Variants in A2ML1 observed in about 807,000 individuals in gnomAD.
The protein encoded by A2ML1 is alpha-2-macroglobulin-like protein 1.
A2ML1 carries 161 observed loss-of-function variants against 181.9 expected under a neutral mutation model. That is an observed-to-expected ratio of 0.89 (90% CI 0.78 to 1.01). The LOEUF (loss-of-function observed/expected upper bound fraction) is 1.01. Ranked by LOEUF, A2ML1 falls within the 50% of genes least tolerant of loss-of-function variation. The pLI is 0.00. For missense variants in A2ML1, 1,670 were observed against 1,768.1 expected (o/e 0.94, Z 1.00); for synonymous variants, 663 against 666.8 (o/e 0.99, Z 0.09).
chr12:8,855,616 T>C (rs1383961342), intron 23 of A2ML1, 24 bp downstream of exon 23: 1 of 1,612,972 alleles, frequency 6.2e-7, no homozygotes, highest in Admixed American at 1.7e-5. Flanking sequence ...GATTCTTGAC[T>C]CAGAAAGGAA....
chr12:8,861,176 G>T lies in A2ML1; in HGVS notation c.3381G>T (p.Ser1127=). 6.2e-7 allele frequency: 1 copy of T among 1,613,774 alleles called. No individual in the cohort carries two copies. The highest frequency in any genetic ancestry group is 8.5e-7 in the Non-Finnish European group (1 of 1,179,968). ...VSQGLRCLKN[S]ATSTTNLYTQ... Reference sequence around the variant, plus strand: ...AGGGTCTACGGTGTCTCAAGAATTCGGCCACCTCCACGACCAACCTCTACA... The same window carrying T: ...AGGGTCTACGGTGTCTCAAGAATTCTGCCACCTCCACGACCAACCTCTACA... The change falls in exon 28 of 36, where the codon TCG becomes TCT. Residue 1127 remains serine (S), a synonymous_variant. Coordinates refer to ENST00000299698, the MANE Select transcript of A2ML1 (RefSeq NM_144670.6).
intron 7 of A2ML1, among the ~76,000 whole-genome samples, chr12:8,885,825 C>T (rs1214156272): frequency 6.6e-6 from 1 of 152,142 alleles, no homozygotes; most frequent in East Asian, 1.9e-4. Flanking sequence ...TGAGCTAGGT[C>T]AAGAGACTTT....
At chr12:8,861,024 C>T in intron 27 of A2ML1, 69 bp downstream of exon 27, 1 of 1,605,392 alleles carries the variant, frequency 6.2e-7, no homozygotes, top group Non-Finnish European at 8.5e-7. Context: ...ATTCACCCAT[C>T]TTTGTCTCTA....
At chr12:8,874,204 T>A (rs1944722784) in intron 33 of A2ML1, among the ~76,000 whole-genome samples, 1 of 151,880 alleles carries the variant, frequency 6.6e-6, no homozygotes, top group Admixed American at 6.6e-5. Context: ...TTAGTAGAGA[T>A]GGGGTTTCAC....
intron 3 of A2ML1, among the ~76,000 whole-genome samples, chr12:8,828,581 T>A (rs910731057): frequency 1.3e-5 from 2 of 152,130 alleles, no homozygotes; most frequent in African/African-American, 4.8e-5. Flanking sequence ...AAGGGCCTGC[T>A]TGGTGCTGTA....
chr12:8,848,128 CAAAAACAAAAAAAA>C (rs771976252), intron 15 of A2ML1, among the ~76,000 whole-genome samples: 83 of 91,500 alleles, frequency 9.1e-4, no homozygotes, highest in Non-Finnish European at 1.1e-3. Flanking sequence ...AACTCTGTCT[CAAAAACAAAAAAAA>C]AAAAACAAAA....
In A2ML1 at chr12:8,857,937, C is replaced by A; in HGVS notation, c.3108-9C>A. ...TCTTCATGCCATATTTTCCTCTTTA[C>A]CCATGTAGGCTGACAGCGTTTGTCA... On this transcript the variant is annotated splice_polypyrimidine_tract_variant and intron_variant, in intron 25 of 35. Transcript: ENST00000299698. 6.2e-7 allele frequency: 1 copy of A among 1,612,970 alleles called. No individual in the cohort carries two copies. Among genetic ancestry groups the A allele is most frequent in the Non-Finnish European group, 8.5e-7 (1 of 1,179,506 alleles).
intron 7 of A2ML1, 65 bp downstream of exon 7, chr12:8,836,404 G>C: frequency 1.5e-6 from 2 of 1,369,236 alleles, no homozygotes; most frequent in Non-Finnish European, 2.1e-6. Context: ...ATGAGGGGAT[G>C]ACATGGGATG....
At chr12:8,855,744 A>G in intron 23 of A2ML1, 152 bp downstream of exon 23, 1 of 684,296 alleles carries the variant, frequency 1.5e-6, no homozygotes, top group Non-Finnish European at 2.5e-6. Context: ...GGAGGGAAAT[A>G]CAGTGTAGGC....
At chr12:8,839,668 T>A (rs1298373584) in intron 10 of A2ML1, among the ~76,000 whole-genome samples, 3 of 152,232 alleles carry the variant, frequency 2.0e-5, no homozygotes, top group African/African-American at 7.2e-5. Context: ...GTCTCCTGCA[T>A]CTAGGCAAGG....
chr12:8,841,745 A>G (rs1184619801), intron 11 of A2ML1, among the ~76,000 whole-genome samples: 2 of 152,190 alleles, frequency 1.3e-5, no homozygotes, highest in Admixed American at 6.5e-5. Context: ...GATGAAAACT[A>G]CTATTTCTAC....
At chr12:8,843,587 A>T (rs764024816) in intron 12 of A2ML1, among the ~76,000 whole-genome samples, 49 of 152,336 alleles carry the variant, frequency 3.2e-4, no homozygotes, top group Non-Finnish European at 5.0e-4. Context: ...CACGAAAGCC[A>T]TATAAAAAGT....
At chr12:8,832,694 T>G (rs1943154817) in intron 4 of A2ML1, among the ~76,000 whole-genome samples, 1 of 152,176 alleles carries the variant, frequency 6.6e-6, no homozygotes, top group African/African-American at 2.4e-5. Context: ...GAAAAGGCTG[T>G]CGATTGTTCT....
intron 4 of A2ML1, among the ~76,000 whole-genome samples, chr12:8,833,863 T>TC (rs1793244311): frequency 6.6e-6 from 1 of 152,186 alleles, no homozygotes; most frequent in Admixed American, 6.5e-5. Context: ...ATTGCCATTA[T>TC]CCCTACTATC....
At chr12:8,826,769 C>T (rs915274217) in intron 3 of A2ML1, among the ~76,000 whole-genome samples, 1 of 152,096 alleles carries the variant, frequency 6.6e-6, no homozygotes, top group Non-Finnish European at 1.5e-5. Context: ...CAGGTGAGCG[C>T]CACCACCCCT....
At chr12:8,846,025 G>A (rs1943671589) in intron 13 of A2ML1, 52 bp from the exon 14 acceptor site, 6 of 1,605,640 alleles carry the variant, frequency 3.7e-6, no homozygotes, top group Non-Finnish European at 5.1e-6. Context: ...AGATGCCGTT[G>A]GCAGGTGAAT....
intron 29 of A2ML1, among the ~76,000 whole-genome samples, chr12:8,866,597 T>C (rs1944435921): frequency 1.3e-5 from 2 of 152,162 alleles, no homozygotes. Flanking sequence ...TTACCCACAC[T>C]GGTTTTTCAG....
At chr12:8,837,250 C>T (rs761920602) in intron 7 of A2ML1, among the ~76,000 whole-genome samples, 190 bp from the exon 8 acceptor site, 6 of 151,934 alleles carry the variant, frequency 3.9e-5, no homozygotes, top group Admixed American at 6.6e-5. Context: ...GAACCCCTGG[C>T]CTCAAGTAAT....
intron 8 of A2ML1, 33 bp downstream of exon 8, chr12:8,837,599 C>G (rs771428304): frequency 6.3e-7 from 1 of 1,592,626 alleles, no homozygotes; most frequent in Non-Finnish European, 8.6e-7. Flanking sequence ...AGGAACCTAT[C>G]GGCCAGGCAC....
Sources: gnomAD v4.1 joint callset for allele counts (sites outside exome capture counted in the v4.1 genomes callset) on GRCh38, gnomAD v4.1.1 for gene constraint, MANE v1.5 for transcripts, NCBI Gene and HGNC (gene_info 2026-07-23, HGNC 2026-07-21) for gene names.